Variants in MDGA2 observed in about 807,000 individuals in gnomAD.
The protein encoded by MDGA2 is MAM domain containing glycosylphosphatidylinositol anchor 2.
Under a neutral mutation model 117.8 loss-of-function variants are expected in MDGA2, and 40 were observed. The observed-to-expected ratio is 0.34, with a 90% CI of 0.26 to 0.44. The LOEUF (loss-of-function observed/expected upper bound fraction) is 0.44. MDGA2 is among the 20% of genes least tolerant of loss of function. The pLI, the probability that MDGA2 is intolerant of heterozygous loss-of-function variation, is 1.00. For missense variants in MDGA2, 1,123 were observed against 1,250.6 expected (o/e 0.90, Z 1.54); for synonymous variants, 452 against 439.0 (o/e 1.03, Z -0.37).
chr14:47,129,480 C>G (rs1353288422), intron 5 of MDGA2, among the ~76,000 whole-genome samples: 1 of 150,774 alleles, frequency 6.6e-6, no homozygotes, highest in Non-Finnish European at 1.5e-5. Flanking sequence ...TTTTCTTAAT[C>G]CAGTCTATCA....
intron 7 of MDGA2, among the ~76,000 whole-genome samples, chr14:47,060,076 A>C (rs1889827426): frequency 6.6e-6 from 1 of 152,118 alleles, no homozygotes; most frequent in African/African-American, 2.4e-5. Flanking sequence ...ACCAACGTTT[A>C]AATATGTTAG....
intron 2 of MDGA2, among the ~76,000 whole-genome samples, chr14:47,265,399 ATAAAGT>A (rs1401920456): frequency 6.6e-6 from 1 of 152,126 alleles, no homozygotes; most frequent in Non-Finnish European, 1.5e-5. Flanking sequence ...TCCCTATGTT[ATAAAGT>A]TAATCAAGAT....
At chr14:46,903,648 A>T (rs1883379635) in intron 10 of MDGA2, among the ~76,000 whole-genome samples, 1 of 152,082 alleles carries the variant, frequency 6.6e-6, no homozygotes, top group South Asian at 2.1e-4. Flanking sequence ...ATATAATTTA[A>T]TTTTTCTCCA....
At chr14:47,356,978 T>C (rs750440774) in intron 1 of MDGA2, among the ~76,000 whole-genome samples, 4 of 152,216 alleles carry the variant, frequency 2.6e-5, no homozygotes, top group Non-Finnish European at 5.9e-5. Context: ...AAGAGCTCCA[T>C]TGGAAAAATA....
At chr14:47,332,763 G>A (rs746617355) in intron 1 of MDGA2, among the ~76,000 whole-genome samples, 5 of 151,808 alleles carry the variant, frequency 3.3e-5, no homozygotes, top group African/African-American at 7.2e-5. Context: ...TACCAAAATC[G>A]TGCACATTGT....
intron 14 of MDGA2, among the ~76,000 whole-genome samples, chr14:46,859,573 G>A (rs1475861453): frequency 6.6e-6 from 1 of 152,030 alleles, no homozygotes; most frequent in Non-Finnish European, 1.5e-5. Context: ...ATTTTCCTCA[G>A]GCAGAGAACT....
chr14:47,520,259 G>A (rs1455577174), intron 1 of MDGA2, among the ~76,000 whole-genome samples: 1 of 152,114 alleles, frequency 6.6e-6, no homozygotes, highest in East Asian at 1.9e-4. Flanking sequence ...CTTTTGAAAA[G>A]TCACTCTATC....
chr14:47,037,172 C>G (rs1888885291), intron 7 of MDGA2, among the ~76,000 whole-genome samples: 1 of 152,202 alleles, frequency 6.6e-6, no homozygotes, highest in African/African-American at 2.4e-5. Flanking sequence ...GACACTTATT[C>G]ACCCTCCATG....
intron 1 of MDGA2, among the ~76,000 whole-genome samples, chr14:47,337,309 C>T (rs1158674845): frequency 6.6e-6 from 1 of 152,006 alleles, no homozygotes; most frequent in Non-Finnish European, 1.5e-5. Context: ...AGCACAGCTG[C>T]AAGAGGTGAT....
At chr14:47,160,617 T>A (rs968447253) in intron 3 of MDGA2, among the ~76,000 whole-genome samples, 2 of 152,118 alleles carry the variant, frequency 1.3e-5, no homozygotes, top group Admixed American at 1.3e-4. Flanking sequence ...GAGCCATAAT[T>A]GCATGCCACT....
intron 5 of MDGA2, among the ~76,000 whole-genome samples, chr14:47,122,496 A>G (rs1881703572): frequency 6.6e-6 from 1 of 152,078 alleles, no homozygotes. Context: ...CCTAAAGATG[A>G]CATTTTGACA....
chr14:47,535,498 G>C (rs1474198484), intron 1 of MDGA2, among the ~76,000 whole-genome samples: 3 of 152,200 alleles, frequency 2.0e-5, no homozygotes, highest in African/African-American at 7.2e-5. Context: ...ATTGTGAGGA[G>C]TTTGCCATTT....
intron 9 of MDGA2, among the ~76,000 whole-genome samples, chr14:46,925,057 A>AT (rs1202544773): frequency 2.6e-5 from 4 of 152,194 alleles, no homozygotes; most frequent in Non-Finnish European, 1.5e-5. Flanking sequence ...GATATGCTAG[A>AT]AAACATTTGA....
At chr14:47,601,812 T>A (rs1017340616) in intron 1 of MDGA2, among the ~76,000 whole-genome samples, 2 of 152,030 alleles carry the variant, frequency 1.3e-5, no homozygotes, top group African/African-American at 4.8e-5. Flanking sequence ...TGAAAGCGAG[T>A]CTGTGTATGT....
At chr14:47,141,772 A>G (rs1422557059) in intron 4 of MDGA2, among the ~76,000 whole-genome samples, 1 of 152,184 alleles carries the variant, frequency 6.6e-6, no homozygotes, top group East Asian at 1.9e-4. Flanking sequence ...GCAAAGTTAC[A>G]CTTTGGAGGA....
At chr14:47,410,754 G>A (rs1035318373) in intron 1 of MDGA2, among the ~76,000 whole-genome samples, 18 of 152,210 alleles carry the variant, frequency 1.2e-4, no homozygotes, top group African/African-American at 4.1e-4. Context: ...TTTACCGTAA[G>A]TTCTCTCTAA....
intron 1 of MDGA2, among the ~76,000 whole-genome samples, chr14:47,466,283 A>T (rs1385534903): frequency 6.6e-6 from 1 of 152,046 alleles, no homozygotes; most frequent in East Asian, 1.9e-4. Flanking sequence ...GAGTCTATCT[A>T]CGTAACAAAG....
intron 1 of MDGA2, among the ~76,000 whole-genome samples, chr14:47,596,160 G>A (rs1896538652): frequency 6.6e-6 from 1 of 152,108 alleles, no homozygotes; most frequent in South Asian, 2.1e-4. Context: ...AAACTCATGG[G>A]CCTACAAACT....
chr14:47,406,470 G>A (rs189462483), intron 1 of MDGA2, among the ~76,000 whole-genome samples: 148 of 145,538 alleles, frequency 1.0e-3, no homozygotes, highest in African/African-American at 3.4e-3. Context: ...ATTTGGAAAC[G>A]AAATAAAAGT....
Sources: gnomAD v4.1 joint callset for allele counts (sites outside exome capture counted in the v4.1 genomes callset) on GRCh38, gnomAD v4.1.1 for gene constraint, MANE v1.5 for transcripts, NCBI Gene and HGNC (gene_info 2026-07-23, HGNC 2026-07-21) for gene names.